The following CMSS1 variants were observed in gnomAD, a reference collection of about 807,000 sequenced individuals.
CMSS1 encodes cms1 ribosomal small subunit homolog.
Under a neutral mutation model 43.5 loss-of-function variants are expected in CMSS1, and 33 were observed. The observed-to-expected ratio is 0.76, with a 90% CI of 0.57 to 1.01. The LOEUF (loss-of-function observed/expected upper bound fraction) is 1.01. Ranked by LOEUF, CMSS1 falls within the 50% of genes least tolerant of loss-of-function variation. CMSS1 has a pLI of 0.00. For missense variants in CMSS1, 313 were observed against 326.4 expected (o/e 0.96, Z 0.32); for synonymous variants, 115 against 117.2 (o/e 0.98, Z 0.12).
intron 1 of CMSS1, among the ~76,000 whole-genome samples, chr3:99,880,548 T>C (rs1177249880): frequency 1.3e-5 from 2 of 152,198 alleles, no homozygotes; most frequent in Admixed American, 1.3e-4. Context: ...CAGTGACATA[T>C]GTACCTTGAG....
At chr3:100,079,243 G>A (rs2065896775) in intron 1 of CMSS1, among the ~76,000 whole-genome samples, 1 of 152,182 alleles carries the variant, frequency 6.6e-6, no homozygotes, top group Non-Finnish European at 1.5e-5. Flanking sequence ...ACCCCAAAGT[G>A]GTAAAGAGTT....
intron 1 of CMSS1, among the ~76,000 whole-genome samples, chr3:99,924,658 A>G (rs546800811): frequency 5.9e-5 from 9 of 152,180 alleles, no homozygotes; most frequent in Non-Finnish European, 1.2e-4. Context: ...AGCTGGGATT[A>G]CAGGCATGCG....
intron 1 of CMSS1, among the ~76,000 whole-genome samples, chr3:99,883,626 T>C (rs7613864): frequency 0.42 from 64,416 of 151,974 alleles, 13,854 homozygotes; most frequent in African/African-American, 0.48. Flanking sequence ...AATGAACAAC[T>C]GCACACCCAA....
intron 4 of CMSS1, among the ~76,000 whole-genome samples, chr3:100,163,779 ATGT>A (rs773834388): frequency 1.3e-5 from 2 of 152,324 alleles, no homozygotes; most frequent in Non-Finnish European, 2.9e-5. Context: ...GAGGAAATAG[ATGT>A]TGTCATAAAA....
At position 100,154,605 on chromosome 3, in the gene CMSS1, A is replaced by G. The variant is rs189497842; in HGVS notation, c.154-5825A>G. ...AGTTGTTTTTATCTTTATAATGAAC[A>G]TGCTTGTTTTGTTGTAAAATGGCAA... is the stretch of plus-strand genomic sequence containing the variant. On this transcript the variant is annotated intron_variant, in intron 2 of 9. Transcript: ENST00000421999. Among the ~76,000 whole-genome samples the G allele has an allele frequency of 5.2e-5, 8 of 152,382 alleles. No individual in the cohort carries two copies. In the East Asian group the frequency reaches 1.5e-3, roughly 29 times the overall value.
chr3:99,936,695 C>T (rs1374528325), intron 1 of CMSS1, among the ~76,000 whole-genome samples: 2 of 150,270 alleles, frequency 1.3e-5, no homozygotes, highest in African/African-American at 2.5e-5. Context: ...TTTTAAATCA[C>T]TTGCCAAAGG....
chr3:99,938,595 C>G lies in CMSS1; in HGVS notation c.64+120552C>G, dbSNP rs558008815. ...CATTTCCCCCTATCTTTACACAGAA[C>G]CTTTAAGCTAAGATTTAGTTCCCTG... On this transcript the variant is annotated intron_variant, in intron 1 of 9. Coordinates refer to ENST00000421999, the MANE Select transcript of CMSS1 (RefSeq NM_032359.4). Among the ~76,000 whole-genome samples, 17 of 152,226 alleles carry G rather than the reference C, an allele frequency of 1.1e-4. No homozygotes were observed. The South Asian group carries it at 3.3e-3, about 30-fold the overall frequency.
chr3:99,939,603 C>G (rs1376825286), intron 1 of CMSS1, among the ~76,000 whole-genome samples: 2 of 152,184 alleles, frequency 1.3e-5, no homozygotes, highest in Non-Finnish European at 2.9e-5. Flanking sequence ...AAGGTATATA[C>G]TCAGGGAAGA....
At chr3:99,891,345 A>C (rs552826872) in intron 1 of CMSS1, among the ~76,000 whole-genome samples, 1 of 152,242 alleles carries the variant, frequency 6.6e-6, no homozygotes, top group South Asian at 2.1e-4. Flanking sequence ...CTCTGTCTAC[A>C]TGCCCTATGA....
intron 1 of CMSS1, among the ~76,000 whole-genome samples, chr3:100,015,470 G>A (rs1467363087): frequency 2.6e-5 from 4 of 152,092 alleles, no homozygotes; most frequent in Non-Finnish European, 1.5e-5. Context: ...AATTGCTGTG[G>A]GTGCTATGGA....
intron 1 of CMSS1, among the ~76,000 whole-genome samples, chr3:99,940,403 C>T (rs763226822): frequency 6.6e-6 from 1 of 152,236 alleles, no homozygotes; most frequent in Non-Finnish European, 1.5e-5. Context: ...CTTAGAAATA[C>T]AGTGATAATG....
intron 1 of CMSS1, among the ~76,000 whole-genome samples, chr3:100,029,330 T>G (rs2064983589): frequency 1.3e-5 from 2 of 152,082 alleles, no homozygotes; most frequent in Admixed American, 6.5e-5. Context: ...CACATAACAC[T>G]ATTGATTTTG....
chr3:100,161,128 A>C (rs1178964978), intron 3 of CMSS1, among the ~76,000 whole-genome samples: 2 of 152,186 alleles, frequency 1.3e-5, no homozygotes, highest in Non-Finnish European at 2.9e-5. Context: ...CAGCAGTGTA[A>C]TTCTCTCCCT....
intron 1 of CMSS1, among the ~76,000 whole-genome samples, chr3:99,947,972 C>A (rs1456063250): frequency 6.6e-6 from 1 of 152,064 alleles, no homozygotes; most frequent in Non-Finnish European, 1.5e-5. Context: ...AGAATCAGAC[C>A]TGTAGAGCAT....
intron 1 of CMSS1, among the ~76,000 whole-genome samples, chr3:100,088,855 G>T (rs1394981602): frequency 1.3e-5 from 2 of 151,940 alleles, no homozygotes; most frequent in Non-Finnish European, 2.9e-5. Flanking sequence ...TATTTATTTA[G>T]TGAGCTTTTT....
Position 100,065,680 on chromosome 3 carries a change from G to A in CMSS1, c.65-81293G>A, listed in dbSNP as rs575615346. On this transcript the variant is annotated intron_variant, in intron 1 of 9. Coordinates refer to ENST00000421999, the MANE Select transcript of CMSS1 (RefSeq NM_032359.4). ...ACCATTATAAAGCTGAGGTGCAAAT[G>A]ACACTTGATTTGTTTTCCTTGCTAT... 6.9e-3 allele frequency among the ~76,000 whole-genome samples: 707 copies of A among 102,606 alleles called. 2 individuals are homozygous for A. Among genetic ancestry groups the A allele is most frequent in the South Asian group, 0.01 (34 of 3,296 alleles). 67.3% of individuals were successfully genotyped at this position (102,606 alleles called of 152,430 possible). A position where few individuals can be genotyped will look rare whatever the true frequency, so the allele number is the denominator to read the frequency against.
At chr3:99,871,821 T>C (rs1944802469) in intron 1 of CMSS1, among the ~76,000 whole-genome samples, 1 of 152,190 alleles carries the variant, frequency 6.6e-6, no homozygotes, top group Non-Finnish European at 1.5e-5. Context: ...AGAGTGGGAT[T>C]TGCCAGCCGG....
chr3:99,938,531 T>C (rs1397822773), intron 1 of CMSS1, among the ~76,000 whole-genome samples: 1 of 152,224 alleles, frequency 6.6e-6, no homozygotes, highest in Non-Finnish European at 1.5e-5. Flanking sequence ...TTGCTGAGTT[T>C]AGAGGGCAGA....
intron 1 of CMSS1, among the ~76,000 whole-genome samples, chr3:99,959,938 T>A: frequency 6.6e-6 from 1 of 152,332 alleles, no homozygotes; most frequent in African/African-American, 2.4e-5. Flanking sequence ...ATTCAATGCA[T>A]TCAGATGGCT....
Sources: gnomAD v4.1 joint callset for allele counts (sites outside exome capture counted in the v4.1 genomes callset) on GRCh38, gnomAD v4.1.1 for gene constraint, MANE v1.5 for transcripts, NCBI Gene and HGNC (gene_info 2026-07-23, HGNC 2026-07-21) for gene names.